Variants in HS6ST2 observed in about 807,000 individuals in gnomAD.
The protein encoded by HS6ST2 is heparan sulfate 6-O-sulfotransferase 2.
A neutral mutation model predicts 33.0 loss-of-function variants in HS6ST2; 17 were observed. The ratio of observed to expected loss-of-function variants is 0.52; its 90% CI spans 0.35 to 0.77. The LOEUF is 0.77. HS6ST2 is among the 30% of genes least tolerant of loss of function. HS6ST2 has a pLI of 0.01. For missense variants in HS6ST2, 519 were observed against 551.7 expected, an observed-to-expected ratio of 0.94 and a Z score of 0.59; for synonymous variants, 248 against 237.1, an observed-to-expected ratio of 1.05 and a Z score of -0.42.
intron 2 of HS6ST2, among the ~76,000 whole-genome samples, chrX:132,839,998 T>A (rs182501339): frequency 8.1e-5 from 9 of 110,739 alleles, no homozygotes; most frequent in Non-Finnish European, 1.7e-4. Flanking sequence ...ACGCCTGTAA[T>A]CTCAGCTACT....
At chrX:132,680,188 A>G (rs2063958447) in intron 3 of HS6ST2, among the ~76,000 whole-genome samples, 1 of 110,268 alleles carries the variant, frequency 9.1e-6, no homozygotes, top group Non-Finnish European at 1.9e-5. Flanking sequence ...CAGTAAAGAC[A>G]GGCATAAGAA....
intron 2 of HS6ST2, among the ~76,000 whole-genome samples, chrX:132,927,559 C>T (rs1305711822): frequency 2.7e-5 from 3 of 111,905 alleles, no homozygotes; most frequent in Non-Finnish European, 5.6e-5. Context: ...ACTCCCTTTA[C>T]TCATGCTGCT....
At chrX:132,675,367 C>T (rs751207949) in intron 3 of HS6ST2, among the ~76,000 whole-genome samples, 33 of 111,850 alleles carry the variant, frequency 3.0e-4, no homozygotes, top group South Asian at 2.3e-3. Flanking sequence ...ACTCCCACCC[C>T]ACTCTATGAG....
intron 2 of HS6ST2, among the ~76,000 whole-genome samples, chrX:132,733,424 T>A (rs2064477572): frequency 9.1e-6 from 1 of 110,154 alleles, no homozygotes; most frequent in Non-Finnish European, 1.9e-5. Flanking sequence ...TTTCTGGACA[T>A]GGCTTAAGTC....
At chrX:132,686,942 G>T (rs1286971239) in intron 3 of HS6ST2, among the ~76,000 whole-genome samples, 2 of 111,712 alleles carry the variant, frequency 1.8e-5, no homozygotes, top group East Asian at 2.8e-4. Context: ...TACTTTCAAA[G>T]AAAACTACTG....
chrX:132,800,425 A>G (rs1320039390), intron 2 of HS6ST2, among the ~76,000 whole-genome samples: 4 of 111,574 alleles, frequency 3.6e-5, no homozygotes, highest in Non-Finnish European at 7.5e-5. Flanking sequence ...ATTATATATT[A>G]CAACATAATA....
intron 2 of HS6ST2, among the ~76,000 whole-genome samples, chrX:132,845,384 C>T (rs1025500982): frequency 4.5e-5 from 5 of 110,978 alleles, no homozygotes; most frequent in Non-Finnish European, 9.4e-5. Context: ...GAGACACAAT[C>T]AGCCATAATT....
intron 2 of HS6ST2, among the ~76,000 whole-genome samples, chrX:132,714,609 G>A (rs781588843): frequency 4.5e-5 from 5 of 111,549 alleles, no homozygotes; most frequent in Non-Finnish European, 9.4e-5. Flanking sequence ...ATAAGCCACC[G>A]TGCCCGGCCA....
chrX:132,951,982 A>G (rs1225512748), intron 2 of HS6ST2, among the ~76,000 whole-genome samples: 3 of 112,327 alleles, frequency 2.7e-5, no homozygotes, highest in Non-Finnish European at 5.6e-5. Context: ...CCTGGAATAT[A>G]ATGAACAGTT....
chrX:132,753,445 C>T (rs1183005832), intron 2 of HS6ST2, among the ~76,000 whole-genome samples: 1 of 110,942 alleles, frequency 9.0e-6, no homozygotes, highest in African/African-American at 3.3e-5. Flanking sequence ...TCATGGGGGC[C>T]GTTCCCCCCA....
chrX:132,667,403 G>A (rs775378985), intron 4 of HS6ST2, among the ~76,000 whole-genome samples: 16 of 112,080 alleles, frequency 1.4e-4, no homozygotes, highest in Non-Finnish European at 2.6e-4. Context: ...GCAGAAGCTT[G>A]GGATGTGACC....
chrX:132,744,965 T>A (rs2064622637), intron 2 of HS6ST2, among the ~76,000 whole-genome samples: 1 of 112,460 alleles, frequency 8.9e-6, no homozygotes, highest in African/African-American at 3.2e-5. Flanking sequence ...TGTTTTAACT[T>A]TTAGTTTAGA....
intron 2 of HS6ST2, among the ~76,000 whole-genome samples, chrX:132,717,045 C>T (rs1208033305): frequency 1.8e-5 from 2 of 112,722 alleles, no homozygotes; most frequent in Non-Finnish European, 3.8e-5. Context: ...CGAAAAACTC[C>T]CTAACAAGTA....
intron 2 of HS6ST2, among the ~76,000 whole-genome samples, chrX:132,824,630 T>G (rs1038567685): frequency 5.3e-5 from 6 of 112,613 alleles, no homozygotes; most frequent in African/African-American, 1.9e-4. Flanking sequence ...CTATGGTTAC[T>G]CTAAGCATTT....
At chrX:132,827,488 T>C (rs1201581391) in intron 2 of HS6ST2, among the ~76,000 whole-genome samples, 1 of 109,385 alleles carries the variant, frequency 9.1e-6, no homozygotes, top group Non-Finnish European at 1.9e-5. Context: ...CTGGAATGTG[T>C]CAACAGTGGG....
At chrX:132,897,133 T>C (rs1602836664) in intron 2 of HS6ST2, among the ~76,000 whole-genome samples, 1 of 110,577 alleles carries the variant, frequency 9.0e-6, no homozygotes, top group African/African-American at 3.3e-5. Flanking sequence ...GGAAGCAACA[T>C]GACAAAACTA....
intron 3 of HS6ST2, among the ~76,000 whole-genome samples, chrX:132,689,887 CT>C (rs11415697): frequency 1.6e-4 from 17 of 105,102 alleles, no homozygotes; most frequent in African/African-American, 4.8e-4. Context: ...ATTTTTTTCG[CT>C]TTTTTTTTTA....
rs1187747315 is a variant in HS6ST2 at position 132,644,519 on chromosome X, T to C, written c.1068-15426A>G. Among the ~76,000 whole-genome samples the C allele has an allele frequency of 2.7e-5, 3 of 111,241 alleles. No homozygotes were observed. In the Admixed American group the frequency reaches 2.9e-4, roughly 11 times the overall value. Reference sequence around the variant, plus strand: ...CCAATTCAGTGTTTCCCCCATGTTTTCTCTGTTGCACATTAAGCCTCAAAT... The same window carrying C: ...CCAATTCAGTGTTTCCCCCATGTTTCCTCTGTTGCACATTAAGCCTCAAAT... On this transcript the variant is annotated intron_variant, in intron 4 of 4. Coordinates refer to ENST00000370833, the MANE Select transcript of HS6ST2 (RefSeq NM_001394073.1).
intron 2 of HS6ST2, among the ~76,000 whole-genome samples, chrX:132,946,004 A>T (rs964910740): frequency 8.9e-5 from 10 of 112,161 alleles, no homozygotes; most frequent in Non-Finnish European, 1.7e-4. Context: ...TGTAATAATT[A>T]AAAAAGAAAT....
Sources: allele counts gnomAD v4.1 joint callset (sites outside exome capture counted in the v4.1 genomes callset), GRCh38; gene constraint gnomAD v4.1.1; transcripts MANE v1.5; gene names NCBI Gene and HGNC (gene_info 2026-07-23, HGNC 2026-07-21).